The following RGS7 variants were observed in gnomAD, a reference collection of about 807,000 sequenced individuals.
RGS7 encodes the protein regulator of G protein signaling 7, also known as regulator of G-protein signaling 7.
In RGS7, 27 loss-of-function variants were observed where a neutral mutation model predicts 81.1. That is an observed-to-expected ratio of 0.33 (90% CI 0.25 to 0.46). RGS7 has a LOEUF of 0.46. Ranked by LOEUF, RGS7 falls within the 20% of genes least tolerant of loss-of-function variation. The pLI is 1.00. For synonymous variants in RGS7, 208 were observed against 207.7 expected (o/e 1.00, Z -0.01); for missense variants, 396 against 607.4 (o/e 0.65, Z 3.66).
chr1:241,307,239 T>C (rs987696532), intron 2 of RGS7, among the ~76,000 whole-genome samples: 5 of 152,196 alleles, frequency 3.3e-5, no homozygotes, highest in African/African-American at 9.7e-5. Flanking sequence ...GAAAATGCTC[T>C]CTTTCTACTC....
At chr1:241,228,240 C>T (rs1037746000) in intron 2 of RGS7, among the ~76,000 whole-genome samples, 5 of 152,164 alleles carry the variant, frequency 3.3e-5, no homozygotes, top group African/African-American at 7.2e-5. Context: ...TGCCAAAACA[C>T]GTGAATGAGG....
rs2061255805 is a variant in RGS7 at position 241,051,596 on chromosome 1, C to T, written c.175+47070G>A. On this transcript the variant is annotated intron_variant, in intron 3 of 18. Coordinates refer to ENST00000440928, the MANE Select transcript of RGS7 (RefSeq NM_001364886.1). Reference sequence around the variant, plus strand: ...CCCCATCACTCCTCTTCTCCTCTGCCTTTCCTCTCCTTCTCTTGCTTAACA... The same window carrying T: ...CCCCATCACTCCTCTTCTCCTCTGCTTTTCCTCTCCTTCTCTTGCTTAACA... Among the ~76,000 whole-genome samples, 3 of 152,196 alleles carry T rather than the reference C, an allele frequency of 2.0e-5. No homozygotes were observed. In the South Asian group the frequency reaches 6.2e-4, roughly 32 times the overall value.
At chr1:241,223,724 G>A (rs1307858241) in intron 2 of RGS7, among the ~76,000 whole-genome samples, 16 of 147,788 alleles carry the variant, frequency 1.1e-4, no homozygotes, top group African/African-American at 3.7e-4. Context: ...AAAAAAAAAA[G>A]AAAGAAAATT....
chr1:241,216,468 C>A (rs534549290), intron 2 of RGS7, among the ~76,000 whole-genome samples: 1 of 152,048 alleles, frequency 6.6e-6, no homozygotes, highest in Non-Finnish European at 1.5e-5. Context: ...TTTTACCAAC[C>A]CAAACAGTAT....
intron 2 of RGS7, among the ~76,000 whole-genome samples, chr1:241,302,025 C>T (rs2079792314): frequency 1.3e-5 from 2 of 152,172 alleles, no homozygotes; most frequent in Admixed American, 1.3e-4. Context: ...GAGCTGTGGG[C>T]AGAATGGGAC....
Position 241,113,268 on chromosome 1 carries a change from T to C in RGS7, c.79-14506A>G, listed in dbSNP as rs144504604. Among the ~76,000 whole-genome samples the C allele has an allele frequency of 5.7e-4, 87 of 152,286 alleles. 1 individual carries two copies. The East Asian group carries it at 0.014, about 25-fold the overall frequency. On this transcript the variant is annotated intron_variant, in intron 2 of 18. Transcript: ENST00000440928. ...ATAAAAAATAAAAAGGTACCTCACTTATTACTAGATATCTGTGACTATTAT... is the reference window on the plus strand; with the variant it reads ...ATAAAAAATAAAAAGGTACCTCACTCATTACTAGATATCTGTGACTATTAT...
intron 3 of RGS7, among the ~76,000 whole-genome samples, chr1:241,054,636 C>A (rs148214555): frequency 7.9e-5 from 12 of 152,344 alleles, no homozygotes; most frequent in Non-Finnish European, 1.6e-4. Context: ...TTATACCCTA[C>A]TTCCTGACCT....
chr1:240,788,652 G>A (rs1204492171), intron 18 of RGS7, among the ~76,000 whole-genome samples: 1 of 152,242 alleles, frequency 6.6e-6, no homozygotes, highest in Non-Finnish European at 1.5e-5. Flanking sequence ...GTTTAGTAAG[G>A]AGAGATCAGC....
chr1:240,946,994 A>G (rs145486115), intron 4 of RGS7, among the ~76,000 whole-genome samples: 2,599 of 152,324 alleles, frequency 0.017, 39 homozygotes, highest in African/African-American at 0.032. Context: ...TTATAAATAT[A>G]TACAACTATA....
chr1:241,054,297 T>C (rs749553520), intron 3 of RGS7, among the ~76,000 whole-genome samples: 2 of 152,314 alleles, frequency 1.3e-5, no homozygotes, highest in Admixed American at 6.5e-5. Flanking sequence ...CACTGAGAGA[T>C]GGCTTTGTCC....
chr1:241,179,551 C>CTAGCT (rs2071430284), intron 2 of RGS7, among the ~76,000 whole-genome samples: 1 of 152,186 alleles, frequency 6.6e-6, no homozygotes, highest in Admixed American at 6.5e-5. Flanking sequence ...GCTCCAAGGA[C>CTAGCT]CCCTTGTTAT....
intron 3 of RGS7, among the ~76,000 whole-genome samples, chr1:241,095,974 T>C (rs550920195): frequency 3.8e-4 from 58 of 152,274 alleles, no homozygotes; most frequent in Non-Finnish European, 7.6e-4. Flanking sequence ...GGAGCACAAA[T>C]TGGTAACTTG....
intron 2 of RGS7, among the ~76,000 whole-genome samples, chr1:241,248,036 A>G (rs1433347701): frequency 6.6e-6 from 1 of 152,188 alleles, no homozygotes; most frequent in East Asian, 1.9e-4. Flanking sequence ...AAAATGTCCA[A>G]ATATCTTTGT....
intron 9 of RGS7, among the ~76,000 whole-genome samples, chr1:240,855,757 T>C (rs1228861799): frequency 1.3e-5 from 2 of 151,996 alleles, no homozygotes; most frequent in Non-Finnish European, 1.5e-5. Flanking sequence ...AAAGATTTTA[T>C]CTTTTTAATT....
At position 241,278,065 on chromosome 1, in the gene RGS7, G is replaced by A. The variant is rs1032811369; in HGVS notation, c.78+77634C>T. 7.9e-5 allele frequency among the ~76,000 whole-genome samples: 12 copies of A among 152,038 alleles called. No homozygotes were observed. The East Asian group carries it at 9.6e-4, about 12-fold the overall frequency. On this transcript the variant is annotated intron_variant, in intron 2 of 18. Transcript: ENST00000440928. ...TGTTTTGCCCGCTGTTCTCAGTGCC[G>A]TCACAGCGATGCTTCCTGCCATATT...
intron 2 of RGS7, among the ~76,000 whole-genome samples, chr1:241,270,480 C>G (rs2077820136): frequency 6.6e-6 from 1 of 152,196 alleles, no homozygotes; most frequent in South Asian, 2.1e-4. Flanking sequence ...AATCTACTTA[C>G]TTAAACTTCT....
rs932586009 is a variant in RGS7, at chr1:241,296,603, G to A, written c.78+59096C>T. 9.2e-5 allele frequency among the ~76,000 whole-genome samples: 14 copies of A among 152,306 alleles called. No individual in the cohort carries two copies. The East Asian group carries it at 1.4e-3, about 15-fold the overall frequency. Reference sequence around the variant, plus strand: ...TCCTTTGTCCACATGGACGGAAGACGTTCATCTCTTGAGTGCTAATGGTTT... The same window carrying A: ...TCCTTTGTCCACATGGACGGAAGACATTCATCTCTTGAGTGCTAATGGTTT... On this transcript the variant is annotated intron_variant, in intron 2 of 18. Coordinates refer to ENST00000440928, the MANE Select transcript of RGS7 (RefSeq NM_001364886.1).
chr1:241,033,014 T>C lies in RGS7; in HGVS notation c.176-49885A>G, dbSNP rs991438452. Among the ~76,000 whole-genome samples, 6 of 152,210 alleles carry C rather than the reference T, an allele frequency of 3.9e-5. 1 individual carries two copies. The highest frequency in any genetic ancestry group is 1.4e-4 in the African/African-American group (6 of 41,460). On this transcript the variant is annotated intron_variant, in intron 3 of 18. Coordinates refer to ENST00000440928, the MANE Select transcript of RGS7 (RefSeq NM_001364886.1). Reference sequence around the variant, plus strand: ...CTGCTCTGGCTAGGACTTGCAGTATTGTATTGATGAATTCTTCTTACGGAA... The same window carrying C: ...CTGCTCTGGCTAGGACTTGCAGTATCGTATTGATGAATTCTTCTTACGGAA...
intron 6 of RGS7, among the ~76,000 whole-genome samples, chr1:240,901,587 A>T (rs1291752647): frequency 6.6e-6 from 1 of 152,148 alleles, no homozygotes; most frequent in Non-Finnish European, 1.5e-5. Context: ...CGCATAGCAC[A>T]GGCTTGGGGT....
Sources: allele counts gnomAD v4.1 joint callset (sites outside exome capture counted in the v4.1 genomes callset), GRCh38; gene constraint gnomAD v4.1.1; transcripts MANE v1.5; gene names NCBI Gene and HGNC (gene_info 2026-07-23, HGNC 2026-07-21).